Variants in USP25 observed in about 807,000 individuals in gnomAD.
USP25 encodes ubiquitin specific peptidase 25, also known as ubiquitin carboxyl-terminal hydrolase 25.
USP25 carries 85 observed loss-of-function variants against 158.5 expected under a neutral mutation model. The ratio of observed to expected loss-of-function variants is 0.54; its 90% CI spans 0.45 to 0.64. USP25 has a LOEUF of 0.64. USP25 is among the 30% of genes least tolerant of loss of function. USP25 has a pLI of 0.00. For synonymous variants in USP25, 464 were observed against 460.4 expected (o/e 1.01, Z -0.10); for missense variants, 1,242 against 1,327.3 (o/e 0.94, Z 1.00).
chr21:15,753,233 C>A (rs932604431), intron 1 of USP25, among the ~76,000 whole-genome samples: 1 of 152,168 alleles, frequency 6.6e-6, no homozygotes, highest in Non-Finnish European at 1.5e-5. Context: ...AGTTCCCCCC[C>A]AGGGTGCTGA....
At chr21:15,851,970 A>G (rs2038909596) in intron 20 of USP25, among the ~76,000 whole-genome samples, 1 of 152,128 alleles carries the variant, frequency 6.6e-6, no homozygotes, top group South Asian at 2.1e-4. Context: ...TAGTACAGCA[A>G]GAAAGCATGG....
intron 3 of USP25, among the ~76,000 whole-genome samples, chr21:15,768,944 A>G (rs2123445760): frequency 6.6e-6 from 1 of 152,232 alleles, no homozygotes; most frequent in African/African-American, 2.4e-5. Context: ...TGTCTTCTGA[A>G]ATCGAAATCT....
chr21:15,849,590 G>C (rs149179128), intron 19 of USP25, among the ~76,000 whole-genome samples, 187 bp from the exon 20 acceptor site: 4 of 152,154 alleles, frequency 2.6e-5, no homozygotes, highest in Non-Finnish European at 4.4e-5. Flanking sequence ...CAAAGGCTCC[G>C]TATGAGCCAG....
At chr21:15,777,504 A>G (rs1414873636) in intron 3 of USP25, among the ~76,000 whole-genome samples, 1 of 152,200 alleles carries the variant, frequency 6.6e-6, no homozygotes, top group African/African-American at 2.4e-5. Flanking sequence ...TGGTAGTAGT[A>G]TGGACAGAAT....
At chr21:15,796,078 T>G (rs1038842263) in intron 5 of USP25, among the ~76,000 whole-genome samples, 1 of 151,578 alleles carries the variant, frequency 6.6e-6, no homozygotes, top group Non-Finnish European at 1.5e-5. Flanking sequence ...CTTTTCAAAA[T>G]TCACATATTA....
In USP25 at chr21:15,842,576, A is replaced by T. The variant is rs773328043; in HGVS notation, c.2337+36A>T. On this transcript the variant is annotated intron_variant, in intron 18 of 25. Transcript: ENST00000400183. ...TTCTTTTGGCTCTCTGAACATAGCC[A>T]TGGTCACGACATTTCCTCCAGTATA... 7 of 1,607,630 alleles carry T rather than the reference A, an allele frequency of 4.4e-6. No individual in the cohort carries two copies. The African/African-American group carries it at 8.0e-5, about 18-fold the overall frequency.
intron 1 of USP25, among the ~76,000 whole-genome samples, chr21:15,750,742 G>A (rs2123310141): frequency 6.6e-6 from 1 of 151,964 alleles, no homozygotes; most frequent in Non-Finnish European, 1.5e-5. Context: ...CAGTAGCTGG[G>A]ACTACAGGTG....
intron 4 of USP25, among the ~76,000 whole-genome samples, chr21:15,782,410 C>T (rs563598765): frequency 1.3e-5 from 2 of 152,314 alleles, no homozygotes; most frequent in East Asian, 3.9e-4. Flanking sequence ...CCTACATCAC[C>T]AGAGTCATGC....
At chr21:15,835,675 C>T (rs1254814463) in intron 17 of USP25, among the ~76,000 whole-genome samples, 1 of 152,162 alleles carries the variant, frequency 6.6e-6, no homozygotes, top group East Asian at 1.9e-4. Flanking sequence ...AATTCCTATT[C>T]CTAGATAACT....
chr21:15,763,542 T>C (rs919902249), intron 2 of USP25, among the ~76,000 whole-genome samples: 2 of 152,102 alleles, frequency 1.3e-5, no homozygotes, highest in Non-Finnish European at 2.9e-5. Context: ...AAATGAGTCA[T>C]ATCATATGGA....
intron 23 of USP25, among the ~76,000 whole-genome samples, chr21:15,872,204 G>A (rs2039923917): frequency 6.6e-6 from 1 of 151,952 alleles, no homozygotes; most frequent in Non-Finnish European, 1.5e-5. Context: ...TGAAATCATG[G>A]TTGCAAGAAC....
At chr21:15,781,800 T>TC (rs2034980744) in intron 4 of USP25, among the ~76,000 whole-genome samples, 1 of 151,962 alleles carries the variant, frequency 6.6e-6, no homozygotes, top group Non-Finnish European at 1.5e-5. Flanking sequence ...ACAAGAGAGT[T>TC]CCCCAGTCCT....
At chr21:15,748,707 C>T (rs1160543422) in intron 1 of USP25, among the ~76,000 whole-genome samples, 1 of 151,872 alleles carries the variant, frequency 6.6e-6, no homozygotes, top group Non-Finnish European at 1.5e-5. Context: ...GATGAAAAAC[C>T]AACTACTAAC....
rs751991008 is a variant in USP25 at position 15,826,212 on chromosome 21, G to A, written c.1313G>A (p.Ser438Asn). 6.2e-7 allele frequency: 1 copy of A among 1,613,782 alleles called. No homozygotes were observed. The highest frequency in any genetic ancestry group is 1.1e-5 in the South Asian group (1 of 91,032). Reference sequence around the variant, plus strand: ...CATTTTATGATTAACAGATATTTAAGCTATGGTTCCGGTCCCAAACGATTC... The same window carrying A: ...CATTTTATGATTAACAGATATTTAAACTATGGTTCCGGTCCCAAACGATTC... ...VLQQRLERYL[S>N]YGSGPKRFPL... is the part of the protein sequence containing the mutation. The change falls in exon 13 of 26, where the codon AGC (serine) becomes AAC (asparagine). Residue 438 changes from serine to asparagine, a missense_variant. Transcript: ENST00000400183. This position sits in a 1 kb window ranked among gnomAD's most constrained non-coding sequence, Gnocchi z 4.8.
chr21:15,769,262 G>A (rs2034213091), intron 3 of USP25, among the ~76,000 whole-genome samples: 1 of 151,880 alleles, frequency 6.6e-6, no homozygotes, highest in Admixed American at 6.6e-5. Context: ...CCTTTTTGGT[G>A]TACTTTTTAC....
intron 1 of USP25, among the ~76,000 whole-genome samples, chr21:15,745,727 C>T (rs530014106): frequency 2.6e-5 from 4 of 152,282 alleles, no homozygotes; most frequent in South Asian, 4.1e-4. Flanking sequence ...CCGCCCGCCT[C>T]GGTCTCCCAA....
At chr21:15,861,473 G>A (rs1177169553) in intron 20 of USP25, among the ~76,000 whole-genome samples, 2 of 152,048 alleles carry the variant, frequency 1.3e-5, no homozygotes, top group African/African-American at 2.4e-5. Flanking sequence ...AGCATAGACC[G>A]CCAAAAAATA....
rs1203250242 is a variant in USP25 at position 15,843,604 on chromosome 21, T to C, written c.2337+1064T>C. 4.6e-5 allele frequency among the ~76,000 whole-genome samples: 7 copies of C among 152,188 alleles called. No individual in the cohort carries two copies. The highest frequency in any genetic ancestry group is 8.8e-5 in the Non-Finnish European group (6 of 68,004). On this transcript the variant is annotated intron_variant, in intron 18 of 25. Coordinates refer to ENST00000400183, the MANE Select transcript of USP25 (RefSeq NM_001283041.3). The surrounding 1 kb of genome is among the most constrained non-coding windows in gnomAD (Gnocchi z 4.0). ...TAAATAGATATTTGATGATTCCAAA[T>C]TTTGCAAATGCCTTAGAAGCTTTAA... is the stretch of plus-strand genomic sequence containing the variant.
At chr21:15,847,607 CATT>C in intron 18 of USP25, 53 bp from the exon 19 acceptor site, 2 of 1,210,778 alleles carry the variant, frequency 1.7e-6, no homozygotes, top group Non-Finnish European at 2.4e-6. Flanking sequence ...GCAAGGATGC[CATT>C]GTTCTCCACT....
Sources: allele counts gnomAD v4.1 joint callset (sites outside exome capture counted in the v4.1 genomes callset), GRCh38; gene constraint gnomAD v4.1.1; non-coding constraint Gnocchi (gnomAD v3.1); transcripts MANE v1.5; gene names NCBI Gene and HGNC (gene_info 2026-07-23, HGNC 2026-07-21).